TOR1AIP1: variants seen among roughly 807,000 people sequenced by gnomAD.
TOR1AIP1 encodes torsin 1A interacting protein 1, also known as torsin-1A-interacting protein 1.
A neutral mutation model predicts 63.3 loss-of-function variants in TOR1AIP1; 54 were observed. The observed-to-expected ratio is 0.85, with a 90% CI of 0.69 to 1.07. TOR1AIP1 has a LOEUF of 1.07. Among genes scored for constraint, TOR1AIP1 ranks in the 50% least tolerant of loss-of-function variants. The probability of loss-of-function intolerance (pLI) is 0.00; values close to 1 mark genes in which losing one functional copy is unlikely to be tolerated. For synonymous variants in TOR1AIP1, 294 were observed against 273.5 expected (o/e 1.07, Z -0.74); for missense variants, 736 against 715.0 (o/e 1.03, Z -0.33).
At position 179,918,471 on chromosome 1, in the gene TOR1AIP1, A is replaced by T. The variant is rs768411683; in HGVS notation, c.*232A>T. 2.0e-6 allele frequency: 1 copy of T among 488,278 alleles called. No individual in the cohort carries two copies. Among genetic ancestry groups the T allele is most frequent in the South Asian group, 2.9e-5 (1 of 34,652 alleles). The allele number at this position is 488,278 out of a possible 1,614,324, so 30.2% of individuals were successfully genotyped here. On this transcript the variant is annotated 3_prime_UTR_variant, in exon 10 of 10. Transcript: ENST00000606911. ...TGTTAAAGGTATCTTAGGAGTGCAG[A>T]TTATATGCAGTTCCTTAGAGAATCT...
chr1:179,890,807 A>T (rs1648052924), intron 3 of TOR1AIP1, among the ~76,000 whole-genome samples: 1 of 152,100 alleles, frequency 6.6e-6, no homozygotes, highest in Non-Finnish European at 1.5e-5. Flanking sequence ...TTTTATAGAG[A>T]TGGGGTTTCA....
At chr1:179,893,049 C>G (rs1558040549) in intron 3 of TOR1AIP1, among the ~76,000 whole-genome samples, 1 of 151,814 alleles carries the variant, frequency 6.6e-6, no homozygotes, top group Non-Finnish European at 1.5e-5. Context: ...GAGACCAGCC[C>G]GGCCAACATA....
At chr1:179,908,987 A>C (rs910585748) in intron 8 of TOR1AIP1, among the ~76,000 whole-genome samples, 3 of 152,132 alleles carry the variant, frequency 2.0e-5, no homozygotes, top group Non-Finnish European at 1.5e-5. Flanking sequence ...AACACGGTGA[A>C]ACCTCGTCTC....
chr1:179,902,248 A>G (rs1205146403), intron 5 of TOR1AIP1, among the ~76,000 whole-genome samples: 1 of 150,480 alleles, frequency 6.6e-6, no homozygotes, highest in Non-Finnish European at 1.5e-5. Context: ...CTGGTCTTAA[A>G]CTCCTGACCT....
chr1:179,907,365 G>A (rs1322631336), intron 6 of TOR1AIP1, among the ~76,000 whole-genome samples: 1 of 149,190 alleles, frequency 6.7e-6, no homozygotes, highest in Non-Finnish European at 1.5e-5. Flanking sequence ...GGAAGCGGAG[G>A]TTGCAGTGAG....
At chr1:179,895,675 G>A (rs1284708338) in intron 3 of TOR1AIP1, among the ~76,000 whole-genome samples, 1 of 152,148 alleles carries the variant, frequency 6.6e-6, no homozygotes, top group Non-Finnish European at 1.5e-5. Flanking sequence ...CGAAGCAGGT[G>A]GATCACCTGA....
At position 179,918,324 on chromosome 1, in the gene TOR1AIP1, T is replaced by G; in HGVS notation, c.*85T>G. On this transcript the variant is annotated 3_prime_UTR_variant, in exon 10 of 10. Coordinates refer to ENST00000606911, the MANE Select transcript of TOR1AIP1 (RefSeq NM_015602.4). ...CAGAGACAGAATTCAGAGCTCTTTT[T>G]GAAAGAACTAGTTTCTTTTTAAAGA... 1 of 1,320,342 alleles carries G rather than the reference T, an allele frequency of 7.6e-7. No individual in the cohort carries two copies. The highest frequency in any genetic ancestry group is 2.4e-5 in the East Asian group (1 of 42,266). 81.8% of individuals were successfully genotyped at this position (1,320,342 alleles called of 1,614,324 possible). A position where few individuals can be genotyped will look rare whatever the true frequency, so the allele number is the denominator to read the frequency against.
chr1:179,906,010 G>A (rs1648623589), intron 6 of TOR1AIP1, among the ~76,000 whole-genome samples: 1 of 152,070 alleles, frequency 6.6e-6, no homozygotes, highest in African/African-American at 2.4e-5. Flanking sequence ...GTATCCTAAT[G>A]AAAAGTTGAT....
chr1:179,914,884 CA>C (rs1191845392), intron 9 of TOR1AIP1, among the ~76,000 whole-genome samples: 7 of 151,724 alleles, frequency 4.6e-5, no homozygotes, highest in Non-Finnish European at 1.0e-4. Context: ...TTAAGAACCT[CA>C]AAGAGCTTTT....
intron 8 of TOR1AIP1, chr1:179,913,497 G>A: frequency 1.5e-6 from 1 of 689,504 alleles, no homozygotes. Flanking sequence ...AAAATAGTGA[G>A]GATTAAGATT....
intron 5 of TOR1AIP1, 137 bp downstream of exon 5, chr1:179,901,525 TA>T (rs1406169653): frequency 4.4e-6 from 2 of 455,934 alleles, no homozygotes; most frequent in Non-Finnish European, 7.8e-6. Context: ...AAATATTTAT[TA>T]AAATTACTGA....
At chr1:179,892,935 C>A (rs977517144) in intron 3 of TOR1AIP1, among the ~76,000 whole-genome samples, 2 of 151,878 alleles carry the variant, frequency 1.3e-5, no homozygotes, top group Non-Finnish European at 2.9e-5. Flanking sequence ...AAGTAATTTT[C>A]TGTGGGTTTA....
rs79978350 is a variant in TOR1AIP1, at chr1:179,896,544, T to A, written c.611-3582T>A. Among the ~76,000 whole-genome samples, 39 of 151,694 alleles carry A rather than the reference T, an allele frequency of 2.6e-4. No individual in the cohort carries two copies. In the East Asian group the frequency reaches 7.4e-3, roughly 29 times the overall value. ...TGGAAGAGAAAAACAAGTTTACAAA[T>A]CTTTTTTTTTTTTAAGTGCTGAAAT... On this transcript the variant is annotated intron_variant, in intron 3 of 9. Transcript: ENST00000606911.
chr1:179,888,500 C>G (rs1470615897), intron 2 of TOR1AIP1, among the ~76,000 whole-genome samples: 2 of 152,096 alleles, frequency 1.3e-5, no homozygotes, highest in East Asian at 3.9e-4. Context: ...GATATAAGTT[C>G]TAAATACTTG....
intron 5 of TOR1AIP1, among the ~76,000 whole-genome samples, chr1:179,902,019 CTTTT>C (rs767712125): frequency 1.0e-5 from 1 of 98,790 alleles, no homozygotes; most frequent in Non-Finnish European, 2.0e-5. Context: ...AATTCCAATT[CTTTT>C]TTTTTTTTTT....
chr1:179,887,428 A>G (rs1429444226), intron 2 of TOR1AIP1, among the ~76,000 whole-genome samples: 1 of 152,034 alleles, frequency 6.6e-6, no homozygotes, highest in Non-Finnish European at 1.5e-5. Context: ...CCAAAGGACC[A>G]CCTTATAAAA....
chr1:179,909,768 T>A (rs1490533863), intron 8 of TOR1AIP1, among the ~76,000 whole-genome samples: 1 of 151,946 alleles, frequency 6.6e-6, no homozygotes, highest in South Asian at 2.1e-4. Flanking sequence ...TTGTTTTGTT[T>A]TGGGTTTTTT....
chr1:179,901,294 C>T lies in TOR1AIP1; in HGVS notation c.653-8C>T. ...GACTATATTAGTATATTGTTTACTT[C>T]TCTTTAGGAGAAACTGAAGAAGATG... On this transcript the variant is annotated splice_region_variant and splice_polypyrimidine_tract_variant and intron_variant, in intron 4 of 9. Coordinates refer to ENST00000606911, the MANE Select transcript of TOR1AIP1 (RefSeq NM_015602.4). 1 of 1,599,894 alleles carries T rather than the reference C, an allele frequency of 6.3e-7. No homozygotes were observed. The highest frequency in any genetic ancestry group is 2.2e-5 in the East Asian group (1 of 44,672).
Position 179,915,068 on chromosome 1 carries a change from A to C in TOR1AIP1, c.964+1014A>C, listed in dbSNP as rs142213828. ...GCCTAGCTTTAAAAAATGGATTTGG[A>C]TTATCATATATGCTTCTGTATGCAG... is the stretch of plus-strand genomic sequence containing the variant. On this transcript the variant is annotated intron_variant, in intron 9 of 9. Transcript: ENST00000606911. Among the ~76,000 whole-genome samples the C allele has an allele frequency of 4.5e-3, 691 of 152,294 alleles. 9 individuals are homozygous for C. Among genetic ancestry groups the C allele is most frequent in the African/African-American group, 0.016 (667 of 41,564 alleles).
Sources: allele counts gnomAD v4.1 joint callset (sites outside exome capture counted in the v4.1 genomes callset), GRCh38; gene constraint gnomAD v4.1.1; transcripts MANE v1.5; gene names NCBI Gene and HGNC (gene_info 2026-07-23, HGNC 2026-07-21).